The following FGD5 variants were observed in gnomAD, a reference collection of about 807,000 sequenced individuals.
FGD5 encodes FYVE, RhoGEF and PH domain containing 5.
FGD5 carries 28 observed loss-of-function variants against 133.4 expected under a neutral mutation model. The observed-to-expected ratio is 0.21, with a 90% confidence interval of 0.16 to 0.29. FGD5 has a LOEUF of 0.29. Ranked by LOEUF, FGD5 falls within the 10% of genes least tolerant of loss-of-function variation. The pLI is 1.00. For missense variants in FGD5, 1,858 were observed against 1,895.2 expected (o/e 0.98, Z 0.36); for synonymous variants, 810 against 776.5 (o/e 1.04, Z -0.72).
intron 4 of FGD5, among the ~76,000 whole-genome samples, chr3:14,893,117 T>G (rs926090533): frequency 2.0e-5 from 3 of 152,236 alleles, no homozygotes; most frequent in Non-Finnish European, 4.4e-5. Context: ...GCAAATGTAT[T>G]TGAAGATAAA....
chr3:14,853,636 CTTTTTTTTTTTT>C (rs34008934), intron 1 of FGD5, among the ~76,000 whole-genome samples: 4,009 of 37,410 alleles, frequency 0.11, 150 homozygotes, highest in South Asian at 0.19. Context: ...AAAAGCGTTC[CTTTTTTTTTTTT>C]TTTTTTTTTT....
intron 1 of FGD5, among the ~76,000 whole-genome samples, chr3:14,832,610 G>C (rs1474941614): frequency 6.6e-6 from 1 of 152,146 alleles, no homozygotes; most frequent in African/African-American, 2.4e-5. Context: ...GAAAACTGAG[G>C]TTCAGAGTGG....
At position 14,922,991 on chromosome 3, in the gene FGD5, A is replaced by G; in HGVS notation, c.3808-55A>G. The G allele has an allele frequency of 6.2e-7, 1 of 1,610,454 alleles. No homozygotes were observed. The highest frequency in any genetic ancestry group is 8.5e-7 in the Non-Finnish European group (1 of 1,177,440). On this transcript the variant is annotated intron_variant, in intron 15 of 19. Transcript: ENST00000285046. The surrounding 1 kb of genome is among the most constrained non-coding windows in gnomAD (Gnocchi z 4.1). ...CAGAGGGAGCGGAGGGGAGGGGTGC[A>G]GGTCTCCTTTGCATGCACTGAGAGG...
Position 14,933,206 on chromosome 3 carries a change from T to G in FGD5, c.*39T>G. The G allele has an allele frequency of 6.2e-7, 1 of 1,606,436 alleles. No individual in the cohort carries two copies. The highest frequency in any genetic ancestry group is 8.5e-7 in the Non-Finnish European group (1 of 1,175,670). ...TGTGGACTTGTAACAAATTCTTAGG[T>G]CAATATGTGAATGCTTTTAGAAGCT... is the stretch of plus-strand genomic sequence containing the variant. On this transcript the variant is annotated 3_prime_UTR_variant, in exon 20 of 20. Coordinates refer to ENST00000285046, the MANE Select transcript of FGD5 (RefSeq NM_152536.4).
intron 9 of FGD5, among the ~76,000 whole-genome samples, chr3:14,901,316 C>T (rs1288575362): frequency 1.3e-5 from 2 of 152,232 alleles, no homozygotes; most frequent in East Asian, 1.9e-4. Flanking sequence ...AGGCCACCCC[C>T]ATCAGCACCT....
At chr3:14,884,734 G>C (rs897922823) in intron 4 of FGD5, among the ~76,000 whole-genome samples, 4 of 152,212 alleles carry the variant, frequency 2.6e-5, no homozygotes, top group Non-Finnish European at 5.9e-5. Flanking sequence ...GGGGTGACCT[G>C]ATGGCTAGGA....
chr3:14,904,036 C>T (rs1483972749), intron 9 of FGD5, among the ~76,000 whole-genome samples: 1 of 152,190 alleles, frequency 6.6e-6, no homozygotes, highest in Non-Finnish European at 1.5e-5. Flanking sequence ...TGGGAAGAGG[C>T]TCACAGAGCA....
intron 10 of FGD5, among the ~76,000 whole-genome samples, chr3:14,908,952 TCATTCATTCATTCATTCATC>T (rs1013816270): frequency 1.3e-5 from 2 of 151,218 alleles, no homozygotes; most frequent in Non-Finnish European, 2.9e-5. Flanking sequence ...ATTTATTTAT[TCATTCATTCATTCATTCATC>T]CATTCATTCA....
intron 2 of FGD5, among the ~76,000 whole-genome samples, chr3:14,866,528 G>T (rs563243046): frequency 6.6e-5 from 10 of 152,226 alleles, no homozygotes; most frequent in Non-Finnish European, 1.3e-4. Flanking sequence ...ACTCAGCTTT[G>T]TCCCTTGCTG....
rs553827761 is a variant in FGD5 at position 14,921,442 on chromosome 3, G to A, written c.3570-476G>A. The stretch of plus-strand genomic sequence containing the variant: ...AGCAGGGACTTGGAAAGTGCCTGTT[G>A]GATGACTGTCTGGGAAGCTATGTGG... On this transcript the variant is annotated intron_variant, in intron 13 of 19. Transcript: ENST00000285046. 1.4e-4 allele frequency: 24 copies of A among 167,424 alleles called. 1 individual carries two copies. Among genetic ancestry groups the A allele is most frequent in the Admixed American group, 7.4e-4 (13 of 17,528 alleles). The allele number at this position is 167,424 out of a possible 1,614,324, so 10.4% of individuals were successfully genotyped here. A position where few individuals can be genotyped will look rare whatever the true frequency, so the allele number is the denominator to read the frequency against.
At chr3:14,812,122 C>T (rs1221504054) in intron 1 of FGD5, among the ~76,000 whole-genome samples, 3 of 152,002 alleles carry the variant, frequency 2.0e-5, no homozygotes, top group Non-Finnish European at 2.9e-5. Flanking sequence ...GCAGGCTGCG[C>T]GTTTAGACAG....
chr3:14,825,413 T>G (rs1235211684), intron 1 of FGD5, among the ~76,000 whole-genome samples: 2 of 152,082 alleles, frequency 1.3e-5, no homozygotes, highest in Admixed American at 6.6e-5. Context: ...GAGACCAGCC[T>G]AGACAACATA....
chr3:14,828,820 C>CT (rs59960841), intron 1 of FGD5, among the ~76,000 whole-genome samples: 26,212 of 124,082 alleles, frequency 0.21, 3,614 homozygotes, highest in Non-Finnish European at 0.31. Context: ...AGGTGGGTCT[C>CT]TTTTTTTTTT....
chr3:14,887,618 G>A (rs2037949256), intron 4 of FGD5, among the ~76,000 whole-genome samples: 1 of 152,078 alleles, frequency 6.6e-6, no homozygotes. Context: ...GGGAGTGATG[G>A]CAGGGAAAGT....
At chr3:14,818,881 C>G (rs947188279), upstream of FGD5, 69 of 1,384,544 alleles carry the variant, frequency 5.0e-5, no homozygotes, top group Non-Finnish European at 6.0e-5. Context: ...TCCCCTGCAA[C>G]TGGTGTGTAG....
At chr3:14,862,122 T>A (rs567257542) in intron 1 of FGD5, among the ~76,000 whole-genome samples, 1 of 152,198 alleles carries the variant, frequency 6.6e-6, no homozygotes, top group East Asian at 1.9e-4. Flanking sequence ...TAGGAGACAC[T>A]CGGGTTTCTG....
chr3:14,841,065 G>C (rs1016240434), intron 1 of FGD5, among the ~76,000 whole-genome samples: 21 of 152,294 alleles, frequency 1.4e-4, no homozygotes, highest in African/African-American at 5.1e-4. Context: ...GAGTGCTTCT[G>C]ATATTTGGCT....
intron 7 of FGD5, among the ~76,000 whole-genome samples, chr3:14,899,605 CTATT>C (rs1275462162): frequency 1.3e-5 from 2 of 152,220 alleles, no homozygotes; most frequent in African/African-American, 2.4e-5. Flanking sequence ...AATCCAAGAA[CTATT>C]TATTGAGCAC....
intron 18 of FGD5, among the ~76,000 whole-genome samples, chr3:14,927,347 C>A (rs1265931775): frequency 1.3e-5 from 2 of 152,146 alleles, no homozygotes; most frequent in Non-Finnish European, 2.9e-5. Flanking sequence ...ATTTAGGGGC[C>A]TGGCATGGTG....
Sources: gnomAD v4.1 joint callset for allele counts (sites outside exome capture counted in the v4.1 genomes callset) on GRCh38, gnomAD v4.1.1 for gene constraint, Gnocchi (gnomAD v3.1) non-coding constraint, MANE v1.5 for transcripts, NCBI Gene and HGNC (gene_info 2026-07-23, HGNC 2026-07-21) for gene names.